The following CAPS2 variants were observed in gnomAD, a reference collection of about 807,000 sequenced individuals.
CAPS2 encodes calcyphosine 2.
CAPS2 carries 98 observed loss-of-function variants against 86.5 expected under a neutral mutation model. That is an observed-to-expected ratio of 1.13 (90% confidence interval 0.96 to 1.34). The LOEUF (loss-of-function observed/expected upper bound fraction) is 1.34. Ranked by LOEUF, CAPS2 falls within the 40% of genes most tolerant of loss-of-function variation. The pLI is 0.00. For missense variants in CAPS2, 729 were observed against 686.8 expected (o/e 1.06, Z -0.69); for synonymous variants, 210 against 225.1 (o/e 0.93, Z 0.60).
chr12:75,340,295 G>A (rs937487260), intron 1 of CAPS2, among the ~76,000 whole-genome samples: 11 of 151,816 alleles, frequency 7.2e-5, no homozygotes, highest in African/African-American at 2.2e-4. Flanking sequence ...AAAAAACGAC[G>A]TATTTTCCTC....
chr12:75,356,441 GTTC>G (rs1254882288), intron 1 of CAPS2, among the ~76,000 whole-genome samples: 1 of 152,148 alleles, frequency 6.6e-6, no homozygotes, highest in Non-Finnish European at 1.5e-5. Context: ...CCACCTTGAA[GTTC>G]TTCTAATCCA....
chr12:75,369,548 C>T, intron 1 of CAPS2: 1 of 982,290 alleles, frequency 1.0e-6, no homozygotes, highest in Non-Finnish European at 1.2e-6. Flanking sequence ...GTGGAAAAGA[C>T]ATCGAGAAAT....
At chr12:75,334,512 T>C (rs997700020), upstream of CAPS2, 1 of 1,358,518 alleles carries the variant, frequency 7.4e-7, no homozygotes, top group African/African-American at 1.5e-5. Context: ...GACTCAGAGC[T>C]TTCCCCTGTA....
intron 7 of CAPS2, among the ~76,000 whole-genome samples, chr12:75,308,736 G>A (rs1335229378): frequency 6.6e-6 from 1 of 151,942 alleles, no homozygotes; most frequent in African/African-American, 2.4e-5. Context: ...GTAAAAGCAT[G>A]AGAGCAGAAA....
chr12:75,330,365 C>T (rs1179306465), upstream of CAPS2, among the ~76,000 whole-genome samples: 5 of 152,370 alleles, frequency 3.3e-5, no homozygotes, highest in African/African-American at 1.2e-4. Flanking sequence ...CCGGAGCGGA[C>T]TCACTCACCC....
At chr12:75,291,774 T>G (rs1262738085) in exon 13 of CAPS2, 6 of 1,566,464 alleles carry the variant, frequency 3.8e-6, no homozygotes, top group Non-Finnish European at 3.5e-6. Context: ...AGCCTATCAT[T>G]GGTTTCTTGA....
chr12:75,350,674 CA>C (rs2042746363), intron 1 of CAPS2, among the ~76,000 whole-genome samples: 1 of 152,108 alleles, frequency 6.6e-6, no homozygotes, highest in African/African-American at 2.4e-5. Flanking sequence ...AAAAAGACCA[CA>C]AAAACCCCAT....
At chr12:75,358,109 CA>C (rs1169119466) in intron 1 of CAPS2, among the ~76,000 whole-genome samples, 1 of 150,774 alleles carries the variant, frequency 6.6e-6, no homozygotes, top group Non-Finnish European at 1.5e-5. Flanking sequence ...CCATACTGAT[CA>C]AAAAAAGATA....
chr12:75,390,031 A>C (rs1378820907), intron 1 of CAPS2, among the ~76,000 whole-genome samples: 1 of 152,186 alleles, frequency 6.6e-6, no homozygotes, highest in Non-Finnish European at 1.5e-5. Context: ...TCTTTTTATA[A>C]ATGTTTGGCT....
chr12:75,280,076 A>T (rs996890981), intron 16 of CAPS2, among the ~76,000 whole-genome samples: 13 of 151,976 alleles, frequency 8.6e-5, no homozygotes, highest in Non-Finnish European at 1.8e-4. Flanking sequence ...AAATATTTAC[A>T]GCAAAAAATG....
chr12:75,326,656 T>A, upstream of CAPS2: 1 of 564,340 alleles, frequency 1.8e-6, no homozygotes, highest in South Asian at 2.6e-5. Context: ...CTTTTACCAA[T>A]ATCAACTTTT....
chr12:75,292,331 G>T (rs2036117323), intron 12 of CAPS2, among the ~76,000 whole-genome samples: 1 of 152,046 alleles, frequency 6.6e-6, no homozygotes, highest in Admixed American at 6.6e-5. Flanking sequence ...CTCCCAAAGT[G>T]CTGGGATTAC....
rs73364094 is a variant in CAPS2, at chr12:75,366,377, A to G, written c.-395+24461T>C. On this transcript the variant is annotated intron_variant, in intron 1 of 5. Coordinates refer to the CAPS2 transcript ENST00000551829. Reference sequence around the variant, plus strand: ...AACAGCAGATTTAAAGCAGGCAGAAAAGAAAATAGAGAAGTAGAGAACTTA... The same window carrying G: ...AACAGCAGATTTAAAGCAGGCAGAAGAGAAAATAGAGAAGTAGAGAACTTA... 4.6e-3 allele frequency among the ~76,000 whole-genome samples: 694 copies of G among 152,288 alleles called. 4 individuals are homozygous for G. Among genetic ancestry groups the G allele is most frequent in the African/African-American group, 0.011 (465 of 41,552 alleles).
chr12:75,278,148 C>G, exon 17 of CAPS2: 1 of 943,552 alleles, frequency 1.1e-6, no homozygotes, highest in African/African-American at 1.8e-5. Flanking sequence ...CAATCGTATG[C>G]TGGTAAAAAG....
chr12:75,377,024 A>G (rs944675142), intron 1 of CAPS2, among the ~76,000 whole-genome samples: 1 of 152,190 alleles, frequency 6.6e-6, no homozygotes, highest in African/African-American at 2.4e-5. Context: ...CATATAGTTG[A>G]AGGTATTACG....
chr12:75,346,708 A>AT (rs951187214), intron 1 of CAPS2, among the ~76,000 whole-genome samples: 6 of 151,928 alleles, frequency 3.9e-5, no homozygotes, highest in African/African-American at 4.8e-5. Context: ...GCTGGTAAAT[A>AT]TTTTTTTTGC....
intron 7 of CAPS2, among the ~76,000 whole-genome samples, chr12:75,312,048 T>C (rs996593038): frequency 1.3e-5 from 2 of 152,196 alleles, no homozygotes; most frequent in South Asian, 2.1e-4. Flanking sequence ...AAGCTAAGTC[T>C]TACTTTTTCC....
chr12:75,377,446 C>T (rs1317827853), intron 1 of CAPS2, among the ~76,000 whole-genome samples: 4 of 152,136 alleles, frequency 2.6e-5, no homozygotes, highest in African/African-American at 9.7e-5. Flanking sequence ...AGCCCAAGTC[C>T]CAAAACCCCA....
At chr12:75,369,407 T>A (rs1374680272) in intron 1 of CAPS2, 1 of 530,070 alleles carries the variant, frequency 1.9e-6, no homozygotes, top group Non-Finnish European at 2.4e-6. Flanking sequence ...AACCATTATA[T>A]CCAAAGCTAG....
Sources: gnomAD v4.1 joint callset for allele counts (sites outside exome capture counted in the v4.1 genomes callset) on GRCh38, gnomAD v4.1.1 for gene constraint, MANE v1.5 for transcripts, NCBI Gene and HGNC (gene_info 2026-07-23, HGNC 2026-07-21) for gene names.